The following ZNF423 variants were observed in gnomAD, a reference collection of about 807,000 sequenced individuals.
ZNF423 encodes Ebf-associated zinc finger protein.
A neutral mutation model predicts 95.8 loss-of-function variants in ZNF423; 12 were observed. That is an observed-to-expected ratio of 0.13 (90% CI 0.08 to 0.20). The LOEUF (loss-of-function observed/expected upper bound fraction) is 0.20. ZNF423 is among the 10% of genes least tolerant of loss of function. The pLI is 1.00. For missense variants in ZNF423, 1,316 were observed against 1,737.1 expected (o/e 0.76, Z 4.31); for synonymous variants, 749 against 711.9 (o/e 1.05, Z -0.83).
chr16:49,669,549 A>G (rs2030710699), intron 3 of ZNF423, among the ~76,000 whole-genome samples: 1 of 152,172 alleles, frequency 6.6e-6, no homozygotes, highest in Admixed American at 6.5e-5. Context: ...CCCAGAGGAC[A>G]CGGCCAGGCC....
chr16:49,605,658 T>C (rs1244546937), intron 5 of ZNF423, among the ~76,000 whole-genome samples: 1 of 152,214 alleles, frequency 6.6e-6, no homozygotes, highest in Non-Finnish European at 1.5e-5. Flanking sequence ...GCCCCGGCCC[T>C]GCACCAGCCC....
chr16:49,760,117 G>A (rs1032377858), intron 2 of ZNF423, among the ~76,000 whole-genome samples: 4 of 129,194 alleles, frequency 3.1e-5, no homozygotes, highest in Admixed American at 2.3e-4. Flanking sequence ...GGATGGATGC[G>A]TGGGTGGATG....
intron 7 of ZNF423, among the ~76,000 whole-genome samples, chr16:49,510,085 A>G (rs1454304141): frequency 6.6e-6 from 1 of 152,222 alleles, no homozygotes; most frequent in African/African-American, 2.4e-5. Context: ...CTCGCTGTTG[A>G]GCCTGCTTCT....
chr16:49,853,753 G>A (rs1221059887), intron 1 of ZNF423: 1 of 985,208 alleles, frequency 1.0e-6, no homozygotes, highest in Non-Finnish European at 1.2e-6. Context: ...CCACAGAGTG[G>A]TTTTAGAACT....
intron 5 of ZNF423, among the ~76,000 whole-genome samples, chr16:49,544,879 G>T: frequency 6.6e-6 from 1 of 152,272 alleles, no homozygotes; most frequent in East Asian, 1.9e-4. Flanking sequence ...GCAGGGTGCA[G>T]CATTGGGTGC....
intron 7 of ZNF423, among the ~76,000 whole-genome samples, chr16:49,498,497 C>T (rs866210391): frequency 1.4e-4 from 22 of 152,320 alleles, no homozygotes; most frequent in Non-Finnish European, 2.2e-4. Context: ...TGATGCCAGA[C>T]GAGGCAGCTT....
At chr16:49,842,594 A>G (rs1410017780) in intron 1 of ZNF423, among the ~76,000 whole-genome samples, 1 of 152,112 alleles carries the variant, frequency 6.6e-6, no homozygotes, top group Non-Finnish European at 1.5e-5. Context: ...GGGGGGAAAA[A>G]ATAAAAGGCA....
chr16:49,577,935 C>T (rs1970550386), intron 5 of ZNF423, among the ~76,000 whole-genome samples: 1 of 152,208 alleles, frequency 6.6e-6, no homozygotes, highest in South Asian at 2.1e-4. Context: ...GCAGTAAAGG[C>T]CAGTGCCTGC....
chr16:49,784,614 C>T (rs1191470665), intron 2 of ZNF423, among the ~76,000 whole-genome samples: 2 of 152,176 alleles, frequency 1.3e-5, no homozygotes, highest in African/African-American at 4.8e-5. Context: ...TATTATATGA[C>T]TCCACTGACA....
chr16:49,635,676 G>A lies in ZNF423; in HGVS notation c.3500C>T (p.Thr1167Ile). The change falls in exon 4 of 8, where the codon ACA becomes ATA. Residue 1167 changes from threonine (T) to isoleucine (I), a missense_variant. Transcript: ENST00000563137. The surrounding 1 kb of genome is among the most constrained non-coding windows in gnomAD (Gnocchi z 4.8). ...ETSGPRKGTQ[T>I]SPVPRKKTYQ... ...TGCACTTACCCGGGGCACTGGCGAT[G>A]TCTGGGTGCCTTTCCGGGGCCCACT... The A allele has an allele frequency of 6.3e-7, 1 of 1,580,950 alleles. No homozygotes were observed. Among genetic ancestry groups the A allele is most frequent in the Non-Finnish European group, 8.6e-7 (1 of 1,165,606 alleles).
chr16:49,743,471 T>C (rs1268778168), intron 2 of ZNF423, among the ~76,000 whole-genome samples: 4 of 152,250 alleles, frequency 2.6e-5, no homozygotes, highest in South Asian at 2.1e-4. Context: ...GCACCCAGCA[T>C]AGGGCCTGGT....
chr16:49,626,763 A>T (rs1463932928), intron 4 of ZNF423, among the ~76,000 whole-genome samples: 1 of 148,650 alleles, frequency 6.7e-6, no homozygotes, highest in Non-Finnish European at 1.5e-5. Context: ...ACCCACCAAT[A>T]GACCCATCCA....
intron 1 of ZNF423, among the ~76,000 whole-genome samples, chr16:49,815,360 C>T (rs1163968227): frequency 6.6e-6 from 1 of 152,150 alleles, no homozygotes; most frequent in Non-Finnish European, 1.5e-5. Context: ...TCTGGGAGTT[C>T]CCTAACTTTC....
intron 1 of ZNF423, among the ~76,000 whole-genome samples, chr16:49,799,936 C>T (rs1054376373): frequency 1.1e-4 from 17 of 152,116 alleles, no homozygotes; most frequent in South Asian, 4.2e-4. Context: ...ACCACAAGCA[C>T]GCACCATTAC....
At chr16:49,698,702 G>T (rs956572670) in intron 3 of ZNF423, among the ~76,000 whole-genome samples, 3 of 152,160 alleles carry the variant, frequency 2.0e-5, no homozygotes, top group Admixed American at 2.0e-4. Flanking sequence ...GAACACAGCC[G>T]CCCTGCTCCC....
At chr16:49,671,248 G>C (rs1324117605) in intron 3 of ZNF423, among the ~76,000 whole-genome samples, 4 of 152,214 alleles carry the variant, frequency 2.6e-5, no homozygotes, top group African/African-American at 7.2e-5. Flanking sequence ...CCCCCTGGGA[G>C]AGGCAGTGAG....
intron 5 of ZNF423, among the ~76,000 whole-genome samples, chr16:49,546,816 C>T (rs1969459504): frequency 6.6e-6 from 1 of 152,046 alleles, no homozygotes; most frequent in Non-Finnish European, 1.5e-5. Flanking sequence ...GAGTTTGTGA[C>T]CCCTGTGAAA....
At chr16:49,602,452 G>T (rs35717002) in intron 5 of ZNF423, among the ~76,000 whole-genome samples, 1 of 152,182 alleles carries the variant, frequency 6.6e-6, no homozygotes, top group African/African-American at 2.4e-5. Flanking sequence ...CACAGAACCA[G>T]GTCAGCTGGC....
intron 5 of ZNF423, among the ~76,000 whole-genome samples, chr16:49,544,627 G>A (rs1036424417): frequency 1.3e-5 from 2 of 152,244 alleles, no homozygotes; most frequent in Non-Finnish European, 2.9e-5. Context: ...TCCTGAATGA[G>A]GTGGCCTTGG....
Sources: gnomAD v4.1 joint callset for allele counts (sites outside exome capture counted in the v4.1 genomes callset) on GRCh38, gnomAD v4.1.1 for gene constraint, Gnocchi (gnomAD v3.1) non-coding constraint, MANE v1.5 for transcripts, NCBI Gene and HGNC (gene_info 2026-07-23, HGNC 2026-07-21) for gene names.